Variants in KIFC1 observed in about 807,000 individuals in gnomAD.
KIFC1 encodes the protein kinesin family member C1, also known as kinesin-like protein KIFC1.
In KIFC1, 37 loss-of-function variants were observed where a neutral mutation model predicts 66.6. That is an observed-to-expected ratio of 0.56 (90% CI 0.43 to 0.73). The LOEUF (loss-of-function observed/expected upper bound fraction) is 0.73. Among genes scored for constraint, KIFC1 ranks in the 30% least tolerant of loss-of-function variants. KIFC1 has a pLI of 0.00. For synonymous variants in KIFC1, 325 were observed against 343.5 expected (o/e 0.95, Z 0.60); for missense variants, 721 against 859.8 (o/e 0.84, Z 2.02).
rs770835383 is a variant in KIFC1, at chr6:33,401,612, C to G, written c.251-1702C>G. 2.0e-5 allele frequency among the ~76,000 whole-genome samples: 3 copies of G among 152,294 alleles called. No individual in the cohort carries two copies. Among genetic ancestry groups the G allele is most frequent in the Non-Finnish European group, 4.4e-5 (3 of 68,032 alleles). ...GATCATCAACATCACTGGCTTTCACCTCCACATCTTGTCTCACTGGAAGAT... is the reference window on the plus strand; with the variant it reads ...GATCATCAACATCACTGGCTTTCACGTCCACATCTTGTCTCACTGGAAGAT... On this transcript the variant is annotated intron_variant, in intron 3 of 10. Transcript: ENST00000428849. This position sits in a 1 kb window ranked among gnomAD's most constrained non-coding sequence, Gnocchi z 4.5.
At chr6:33,409,380 A>C (rs960613048) in intron 10 of KIFC1, among the ~76,000 whole-genome samples, 3 of 152,150 alleles carry the variant, frequency 2.0e-5, no homozygotes, top group African/African-American at 7.2e-5. Flanking sequence ...TCTCTAGTAC[A>C]GGGTATTGCT....
rs1775368691 is a variant in KIFC1 at position 33,401,441 on chromosome 6, CTTTT to C, written c.251-1869_251-1866del. ...GAGTTACTGCGCCCCGCCTGAAATT[CTTTT>C]TTTAATTTAAAATTTTATTTATTTG... is the stretch of plus-strand genomic sequence containing the variant. On this transcript the variant is annotated intron_variant, in intron 3 of 10. Coordinates refer to ENST00000428849, the MANE Select transcript of KIFC1 (RefSeq NM_002263.4). This position sits in a 1 kb window ranked among gnomAD's most constrained non-coding sequence, Gnocchi z 4.5. Among the ~76,000 whole-genome samples the C allele has an allele frequency of 6.6e-6, 1 of 151,982 alleles. No individual in the cohort carries two copies. Among genetic ancestry groups the C allele is most frequent in the Non-Finnish European group, 1.5e-5 (1 of 67,980 alleles).
Position 33,409,668 on chromosome 6 carries a change from C to A in KIFC1, c.2000C>A (p.Thr667Asn). ...CAGGTGAACCAGTGTGTTATTGGTA[C>A]TGCTCAGGCCAACAGGAAGTGAAGA... is the stretch of plus-strand genomic sequence containing the variant. ...ASKVNQCVIG[T>N]AQANRK Residue 667 changes from threonine to asparagine, a missense_variant, in exon 11 of 11, where the codon ACT (threonine) becomes AAT (asparagine). By Grantham distance (65) the Thr-to-Asn change is moderately conservative. Transcript: ENST00000428849. The A allele has an allele frequency of 6.2e-7, 1 of 1,608,182 alleles. No homozygotes were observed. Among genetic ancestry groups the A allele is most frequent in the Non-Finnish European group, 8.5e-7 (1 of 1,178,262 alleles).
chr6:33,399,732 A>G (rs1775281793), intron 3 of KIFC1, among the ~76,000 whole-genome samples: 1 of 152,260 alleles, frequency 6.6e-6, no homozygotes, highest in Non-Finnish European at 1.5e-5. Context: ...ACACCTGTAC[A>G]GGGTACTAAC....
At chr6:33,396,600 GT>G (rs1300651875) in intron 1 of KIFC1, among the ~76,000 whole-genome samples, 1 of 151,218 alleles carries the variant, frequency 6.6e-6, no homozygotes, top group Non-Finnish European at 1.5e-5. Flanking sequence ...ATGTCATCTG[GT>G]TCGCTAAGGT....
At chr6:33,399,357 G>A (rs764299832) in intron 3 of KIFC1, among the ~76,000 whole-genome samples, 5 of 151,814 alleles carry the variant, frequency 3.3e-5, no homozygotes, top group Non-Finnish European at 7.4e-5. Context: ...CCAGCCTGGC[G>A]ACAGAGCGAG....
rs772459774 is a variant in KIFC1, at chr6:33,404,743, G to T, written c.757-109G>T. ...CTTTCTTTGTTTACCAGACTTTGAG[G>T]TCCTTTTGAGCAGGGACCTCACTTC... On this transcript the variant is annotated intron_variant, in intron 6 of 10. Coordinates refer to ENST00000428849, the MANE Select transcript of KIFC1 (RefSeq NM_002263.4). This position sits in a 1 kb window ranked among gnomAD's most constrained non-coding sequence, Gnocchi z 4.0. 7.0e-5 allele frequency: 69 copies of T among 983,618 alleles called. No individual in the cohort carries two copies. The highest frequency in any genetic ancestry group is 1.0e-4 in the Non-Finnish European group (66 of 656,534). The allele number at this position is 983,618 out of a possible 1,614,324, so 60.9% of individuals were successfully genotyped here.
Position 33,392,009 on chromosome 6 carries a change from C to CA in KIFC1, c.12+12_12+13insA. 2 of 1,613,628 alleles carry CA rather than the reference C, an allele frequency of 1.2e-6. No individual in the cohort carries two copies. The highest frequency in any genetic ancestry group is 1.7e-6 in the Non-Finnish European group (2 of 1,179,808). On this transcript the variant is annotated intron_variant, in intron 1 of 10. Coordinates refer to ENST00000428849, the MANE Select transcript of KIFC1 (RefSeq NM_002263.4). Reference sequence around the variant, plus strand: ...ACATGGATCCGCAGGTGAGTAGGGGCGGCGCAGGTGTCCTGCCCTGGGGAT... The same window carrying CA: ...ACATGGATCCGCAGGTGAGTAGGGGCAGGCGCAGGTGTCCTGCCCTGGGGAT...
chr6:33,406,326 A>G lies in KIFC1; in HGVS notation c.1667A>G (p.Gln556Arg). 6.2e-7 allele frequency: 1 copy of G among 1,614,222 alleles called. No individual in the cohort carries two copies. Among genetic ancestry groups the G allele is most frequent in the Non-Finnish European group, 8.5e-7 (1 of 1,180,036 alleles). Residue 556 changes from glutamine to arginine, a missense_variant, in exon 8 of 11, where the codon CAG (glutamine) becomes CGG (arginine). Transcript: ENST00000428849. This position sits in a 1 kb window ranked among gnomAD's most constrained non-coding sequence, Gnocchi z 4.5. Reference sequence around the variant, plus strand: ...GGGGAGCACTCCAGCCGAGGCCTGCAGTGTGGGGCCCCCCTCAGTCTTGTG... The same window carrying G: ...GGGGAGCACTCCAGCCGAGGCCTGCGGTGTGGGGCCCCCCTCAGTCTTGTG... ...ISGEHSSRGL[Q>R]CGAPLSLVDL...
intron 1 of KIFC1, among the ~76,000 whole-genome samples, chr6:33,395,741 G>A (rs1581904614): frequency 6.6e-6 from 1 of 152,026 alleles, no homozygotes; most frequent in South Asian, 2.1e-4. Context: ...AGAGGAGGAA[G>A]GGCACAGGTT....
At chr6:33,391,680 C>A (rs970331542), upstream of KIFC1, 8 of 575,628 alleles carry the variant, frequency 1.4e-5, no homozygotes, top group Non-Finnish European at 2.2e-5. Flanking sequence ...CTCTCCTGCG[C>A]CTGCGAAACA....
In KIFC1 at chr6:33,403,448, G is replaced by A. The variant is rs1188248444; in HGVS notation, c.305-37G>A. The stretch of plus-strand genomic sequence containing the variant: ...GAATGATGGAGGTGGAGGGACACTG[G>A]TCCTGTAATTCCTAAGTCACCTCCT... On this transcript the variant is annotated intron_variant, in intron 4 of 10. Transcript: ENST00000428849. This position sits in a 1 kb window ranked among gnomAD's most constrained non-coding sequence, Gnocchi z 4.6. 3.1e-6 allele frequency: 5 copies of A among 1,611,752 alleles called. No individual in the cohort carries two copies. Among genetic ancestry groups the A allele is most frequent in the African/African-American group, 1.3e-5 (1 of 74,868 alleles).
chr6:33,397,957 G>A (rs1243843389), intron 1 of KIFC1, 72 bp from the exon 2 acceptor site: 1 of 1,546,070 alleles, frequency 6.5e-7, no homozygotes, highest in Non-Finnish European at 8.9e-7. Flanking sequence ...ATTGAGGCTG[G>A]GGGCCAAGAC....
Position 33,403,445 on chromosome 6 carries a change from C to G in KIFC1, c.305-40C>G. 1 of 1,610,544 alleles carries G rather than the reference C, an allele frequency of 6.2e-7. No individual in the cohort carries two copies. The highest frequency in any genetic ancestry group is 8.5e-7 in the Non-Finnish European group (1 of 1,176,720). On this transcript the variant is annotated intron_variant, in intron 4 of 10. Coordinates refer to ENST00000428849, the MANE Select transcript of KIFC1 (RefSeq NM_002263.4). This position sits in a 1 kb window ranked among gnomAD's most constrained non-coding sequence, Gnocchi z 4.6. ...GGAGAATGATGGAGGTGGAGGGACACTGGTCCTGTAATTCCTAAGTCACCT... is the reference window on the plus strand; with the variant it reads ...GGAGAATGATGGAGGTGGAGGGACAGTGGTCCTGTAATTCCTAAGTCACCT...
rs1775561177 is a variant in KIFC1, at chr6:33,404,909, C to G, written c.814C>G (p.Leu272Val). The change falls in exon 7 of 11, where the codon CTG becomes GTG. Residue 272 changes from leucine (L) to valine (V), a missense_variant. Leu to Val is a conservative substitution (Grantham distance 32, BLOSUM62 1). Coordinates refer to ENST00000428849, the MANE Select transcript of KIFC1 (RefSeq NM_002263.4). This position sits in a 1 kb window ranked among gnomAD's most constrained non-coding sequence, Gnocchi z 4.0. ...AAGCAGCCAAGCAGAGGTGGCATCT[C>G]TGCGGCAGGAGACTGTGGCCCAGGC... ...LSSSQAEVASLRQETVAQAAL... is the reference protein window; with the variant it reads ...LSSSQAEVASVRQETVAQAAL... The G allele has an allele frequency of 6.2e-7, 1 of 1,614,040 alleles. No homozygotes were observed. The highest frequency in any genetic ancestry group is 8.5e-7 in the Non-Finnish European group (1 of 1,179,964).
chr6:33,404,808 G>T lies in KIFC1; in HGVS notation c.757-44G>T, dbSNP rs1775556310. ...GCCCCACAGTTTGTTCTTCTTCTTG[G>T]TTGCATCTTACCCTCTGTGTATGTT... On this transcript the variant is annotated intron_variant, in intron 6 of 10. Transcript: ENST00000428849. This position sits in a 1 kb window ranked among gnomAD's most constrained non-coding sequence, Gnocchi z 4.0. The T allele has an allele frequency of 6.5e-7, 1 of 1,532,316 alleles. No individual in the cohort carries two copies. Among genetic ancestry groups the T allele is most frequent in the African/African-American group, 1.4e-5 (1 of 72,408 alleles). The allele number at this position is 1,532,316 out of a possible 1,614,324, so 94.9% of individuals were successfully genotyped here. A position where few individuals can be genotyped will look rare whatever the true frequency, so the allele number is the denominator to read the frequency against.
rs199533404 is a variant in KIFC1 at position 33,406,412 on chromosome 6, C to A, written c.1753C>A (p.Arg585Ser). Residue 585 changes from arginine to serine, a missense_variant, in exon 8 of 11, where the codon CGC (arginine) becomes AGC (serine). Arg to Ser is a moderately radical substitution (Grantham distance 110). Transcript: ENST00000428849. The surrounding 1 kb of genome is among the most constrained non-coding windows in gnomAD (Gnocchi z 4.5). Reference sequence around the variant, plus strand: ...AGCCCTCGGCCCCGGGGAGCGGGAACGCCTTCGGGAAACACAGGCCATTAA... The same window carrying A: ...AGCCCTCGGCCCCGGGGAGCGGGAAAGCCTTCGGGAAACACAGGCCATTAA... ...GLALGPGERE[R>S]LRETQAINSS... The A allele has an allele frequency of 6.2e-7, 1 of 1,608,184 alleles. No homozygotes were observed. The highest frequency in any genetic ancestry group is 8.5e-7 in the Non-Finnish European group (1 of 1,175,880).
rs1775663292 is a variant in KIFC1 at position 33,406,500 on chromosome 6, T to TG, written c.1827+18dup. 6.2e-7 allele frequency: 1 copy of TG among 1,601,218 alleles called. No homozygotes were observed. Among genetic ancestry groups the TG allele is most frequent in the African/African-American group, 1.3e-5 (1 of 74,492 alleles). On this transcript the variant is annotated intron_variant, in intron 8 of 10. Transcript: ENST00000428849. This position sits in a 1 kb window ranked among gnomAD's most constrained non-coding sequence, Gnocchi z 4.5. Reference sequence around the variant, plus strand: ...CTGAGCAACAAGGTGGGAATGGGAGTGGGGTGAGATACGGGACCTGGGGGA... The same window carrying TG: ...CTGAGCAACAAGGTGGGAATGGGAGTGGGGGTGAGATACGGGACCTGGGGGA...
At chr6:33,391,635 A>G (rs1048447074), upstream of KIFC1, 17 of 488,830 alleles carry the variant, frequency 3.5e-5, no homozygotes, top group Middle Eastern at 5.6e-4. Flanking sequence ...GGTGAGAAGC[A>G]TAAGTGGCAC....
Sources: allele counts gnomAD v4.1 joint callset (sites outside exome capture counted in the v4.1 genomes callset), GRCh38; gene constraint gnomAD v4.1.1; non-coding constraint Gnocchi (gnomAD v3.1); transcripts MANE v1.5; gene names NCBI Gene and HGNC (gene_info 2026-07-23, HGNC 2026-07-21).